FOXP2: variants seen among roughly 807,000 people sequenced by gnomAD.
The protein encoded by FOXP2 is forkhead box protein P2.
Under a neutral mutation model 115.8 loss-of-function variants are expected in FOXP2, and 12 were observed. The observed-to-expected ratio is 0.10, with a 90% CI of 0.07 to 0.17. The LOEUF (loss-of-function observed/expected upper bound fraction) is 0.17, where lower values mean the gene tolerates loss of function less well. Among genes scored for constraint, FOXP2 ranks in the 10% least tolerant of loss-of-function variants. FOXP2 has a pLI of 1.00. For synonymous variants in FOXP2, 328 were observed against 297.7 expected, an observed-to-expected ratio of 1.10 and a Z score of -1.05; for missense variants, 629 against 843.5, an observed-to-expected ratio of 0.75 and a Z score of 3.15.
chr7:114,260,459 T>A (rs934313107), intron 1 of FOXP2, among the ~76,000 whole-genome samples: 3 of 152,118 alleles, frequency 2.0e-5, no homozygotes, highest in Non-Finnish European at 4.4e-5. Flanking sequence ...AAGTTACTTT[T>A]TTTTTTAAGA....
chr7:114,539,759 G>A (rs1799567037), intron 3 of FOXP2, among the ~76,000 whole-genome samples: 1 of 152,020 alleles, frequency 6.6e-6, no homozygotes, highest in African/African-American at 2.4e-5. Context: ...CTGACACCCT[G>A]TGGAGGAGGG....
At chr7:114,567,329 T>C (rs369119426) in intron 3 of FOXP2, among the ~76,000 whole-genome samples, 1 of 152,070 alleles carries the variant, frequency 6.6e-6, no homozygotes, top group East Asian at 1.9e-4. Context: ...ATGTTACTTA[T>C]TATCCTCTGT....
chr7:114,458,020 A>G (rs933530230), intron 2 of FOXP2, among the ~76,000 whole-genome samples: 5 of 152,216 alleles, frequency 3.3e-5, no homozygotes, highest in African/African-American at 1.2e-4. Context: ...AAAATAAGTA[A>G]TATATTTGTA....
intron 2 of FOXP2, among the ~76,000 whole-genome samples, chr7:114,470,228 C>G (rs533701856): frequency 6.6e-6 from 1 of 152,286 alleles, no homozygotes; most frequent in South Asian, 2.1e-4. Context: ...ACTTGCCTTA[C>G]AGTCTCTTTG....
chr7:114,241,457 A>T (rs970662341), intron 1 of FOXP2, among the ~76,000 whole-genome samples: 2 of 152,118 alleles, frequency 1.3e-5, no homozygotes, highest in African/African-American at 4.8e-5. Flanking sequence ...TCATGCACAA[A>T]TCTATGAAAT....
At chr7:114,377,025 G>C (rs1434549206) in intron 2 of FOXP2, among the ~76,000 whole-genome samples, 1 of 152,112 alleles carries the variant, frequency 6.6e-6, no homozygotes, top group Non-Finnish European at 1.5e-5. Flanking sequence ...CAGGACAGAT[G>C]TCAGACATAT....
At chr7:114,269,424 A>G (rs1795980582) in intron 1 of FOXP2, among the ~76,000 whole-genome samples, 1 of 152,026 alleles carries the variant, frequency 6.6e-6, no homozygotes, top group Admixed American at 6.6e-5. Context: ...CTTGAATTAA[A>G]TCTTTTTTTG....
At chr7:114,611,300 T>C (rs547127261) in intron 3 of FOXP2, among the ~76,000 whole-genome samples, 64 of 152,358 alleles carry the variant, frequency 4.2e-4, no homozygotes, top group Non-Finnish European at 8.5e-4. Flanking sequence ...CTATTCATTT[T>C]CACTTTAGTA....
At chr7:114,566,606 C>T (rs1801035921) in intron 3 of FOXP2, among the ~76,000 whole-genome samples, 2 of 152,124 alleles carry the variant, frequency 1.3e-5, no homozygotes, top group African/African-American at 4.8e-5. Context: ...CAGCACCATG[C>T]TTCTTGTACA....
In FOXP2 at chr7:114,642,482, G is replaced by T. The variant is rs985325734; in HGVS notation, c.848G>T (p.Gly283Val). The T allele has an allele frequency of 6.2e-7, 1 of 1,613,634 alleles. No homozygotes were observed. The highest frequency in any genetic ancestry group is 1.3e-5 in the African/African-American group (1 of 74,814). Residue 283 changes from glycine (G) to valine (V), a missense_variant, in exon 7 of 17, where the codon GGC becomes GTC. Gly to Val is a moderately radical substitution (Grantham distance 109, BLOSUM62 -3). Around this residue, in one of 9 missense-constraint regions of FOXP2, gnomAD observed 92 missense variants for 80.1 expected, o/e 1.15. Coordinates refer to ENST00000350908, the MANE Select transcript of FOXP2 (RefSeq NM_014491.4). ...GGAGTTCACAGTATGGAAGACAATG[G>T]CATTAAACATGGAGGGCTAGACCTC... is the stretch of plus-strand genomic sequence containing the variant. ...VTGVHSMEDNGIKHGGLDLTT... is the reference protein window; with the variant it reads ...VTGVHSMEDNVIKHGGLDLTT...
chr7:114,304,124 T>C (rs1478970322), intron 2 of FOXP2, among the ~76,000 whole-genome samples: 1 of 152,120 alleles, frequency 6.6e-6, no homozygotes, highest in East Asian at 1.9e-4. Context: ...GCTTGTGATA[T>C]TACAAGTGAC....
In FOXP2 at chr7:114,175,245, A is replaced by G. The variant is rs531679186; in HGVS notation, c.-102+12157A>G. On this transcript the variant is annotated intron_variant, in intron 1 of 17. Transcript: ENST00000634411. ...TGGGTGGTAGCCTCCAAATCTACTT[A>G]CTCGTTAAGTCCACTTATGTGTTAA... 3.3e-5 allele frequency among the ~76,000 whole-genome samples: 5 copies of G among 152,192 alleles called. No homozygotes were observed. In the East Asian group the frequency reaches 7.7e-4, roughly 24 times the overall value.
chr7:114,434,620 A>T (rs1247266395), intron 2 of FOXP2, among the ~76,000 whole-genome samples: 1 of 152,012 alleles, frequency 6.6e-6, no homozygotes, highest in Non-Finnish European at 1.5e-5. Context: ...AAATCTGACC[A>T]AATACTGTTG....
intron 1 of FOXP2, among the ~76,000 whole-genome samples, chr7:114,149,125 T>C (rs1792463568): frequency 6.6e-6 from 1 of 152,144 alleles, no homozygotes; most frequent in Admixed American, 6.6e-5. Flanking sequence ...TTAAGAACTC[T>C]TTAAATATCC....
chr7:114,567,081 G>C (rs934531694), intron 3 of FOXP2, among the ~76,000 whole-genome samples: 12 of 152,000 alleles, frequency 7.9e-5, no homozygotes, highest in Non-Finnish European at 1.5e-5. Context: ...GTATCATGAA[G>C]TCTACTGATA....
chr7:114,258,834 A>C (rs898661715), intron 1 of FOXP2, among the ~76,000 whole-genome samples: 1 of 152,172 alleles, frequency 6.6e-6, no homozygotes, highest in Non-Finnish European at 1.5e-5. Flanking sequence ...ATAAATTATA[A>C]TGTTTTACAG....
At chr7:114,219,851 T>TG (rs200443509) in intron 1 of FOXP2, among the ~76,000 whole-genome samples, 261 of 151,830 alleles carry the variant, frequency 1.7e-3, no homozygotes, top group African/African-American at 6.1e-3. Flanking sequence ...AGGGTTTTTT[T>TG]TTTGTTTGTT....
intron 2 of FOXP2, among the ~76,000 whole-genome samples, chr7:114,335,127 A>G (rs1797819549): frequency 6.6e-6 from 1 of 151,356 alleles, no homozygotes; most frequent in African/African-American, 2.4e-5. Context: ...TAGTAGCTAT[A>G]TGCTCAGACG....
At chr7:114,176,118 T>C (rs1793281618) in intron 1 of FOXP2, among the ~76,000 whole-genome samples, 1 of 152,186 alleles carries the variant, frequency 6.6e-6, no homozygotes, top group African/African-American at 2.4e-5. Context: ...GAAAATTTTT[T>C]CTTTCAAAGT....
Sources: gnomAD v4.1 joint callset for allele counts (sites outside exome capture counted in the v4.1 genomes callset) on GRCh38, gnomAD v4.1.1 for gene constraint, gnomAD v4.1.1 regional missense constraint, MANE v1.5 for transcripts, NCBI Gene and HGNC (gene_info 2026-07-23, HGNC 2026-07-21) for gene names.